Variants in ATP10A observed in about 807,000 individuals in gnomAD.
ATP10A encodes the protein ATPase phospholipid transporting 10A (putative).
In ATP10A, 111 loss-of-function variants were observed where a neutral mutation model predicts 147.8. That is an observed-to-expected ratio of 0.75 (90% CI 0.64 to 0.88). The LOEUF (loss-of-function observed/expected upper bound fraction) is 0.88, where lower values mean the gene tolerates loss of function less well. ATP10A is among the 40% of genes least tolerant of loss of function. The pLI, the probability that ATP10A is intolerant of heterozygous loss-of-function variation, is 0.00. For missense variants in ATP10A, 1,927 were observed against 1,959.0 expected, an observed-to-expected ratio of 0.98 and a Z score of 0.31; for synonymous variants, 875 against 841.6, an observed-to-expected ratio of 1.04 and a Z score of -0.69.
intron 2 of ATP10A, among the ~76,000 whole-genome samples, chr15:25,764,734 A>G (rs1888935554): frequency 6.6e-6 from 1 of 152,174 alleles, no homozygotes; most frequent in African/African-American, 2.4e-5. Context: ...CTTTCCAACA[A>G]TCTGAGCTAT....
intron 2 of ATP10A, among the ~76,000 whole-genome samples, chr15:25,756,418 C>T (rs138054958): frequency 0.089 from 13,594 of 152,140 alleles, 971 homozygotes; most frequent in Admixed American, 0.25. Context: ...CCGAGGCGAG[C>T]GGATCACCAG....
intron 2 of ATP10A, among the ~76,000 whole-genome samples, chr15:25,759,903 T>C (rs1888661592): frequency 6.6e-6 from 1 of 152,174 alleles, no homozygotes; most frequent in African/African-American, 2.4e-5. Context: ...GTGCTTTGTA[T>C]CTTTGAAATC....
In ATP10A at chr15:25,863,002, A is replaced by G; in HGVS notation, c.95T>C (p.Leu32Pro). 7.2e-7 allele frequency: 1 copy of G among 1,384,446 alleles called. No individual in the cohort carries two copies. Among genetic ancestry groups the G allele is most frequent in the South Asian group, 1.7e-5 (1 of 59,780 alleles). The allele number at this position is 1,384,446 out of a possible 1,614,324, so 85.8% of individuals were successfully genotyped here. ...AGGGTCCTCGGCGCCCGGGGGCGGC[A>G]GCAGGTTGGAGCGCACCGTGCGCGT... ...GRTRTVRSNL[L>P]PPPGAEDPAA... Residue 32 changes from leucine to proline, a missense_variant, in exon 1 of 21, where the codon CTG becomes CCG. By Grantham distance (98) the Leu-to-Pro change is moderately conservative. Coordinates refer to ENST00000555815, the MANE Select transcript of ATP10A (RefSeq NM_024490.4).
intron 10 of ATP10A, chr15:25,710,675 C>G (rs1351163379): frequency 6.6e-6 from 1 of 152,186 alleles, no homozygotes; most frequent in African/African-American, 2.4e-5. Flanking sequence ...AACGTGCAGT[C>G]CCTGCTTGTA....
intron 1 of ATP10A, among the ~76,000 whole-genome samples, chr15:25,843,331 T>C (rs868850715): frequency 1.4e-4 from 21 of 151,302 alleles, no homozygotes; most frequent in African/African-American, 4.6e-4. Context: ...GCTCCACATA[T>C]GTCAAAGTTC....
intron 1 of ATP10A, among the ~76,000 whole-genome samples, chr15:25,804,447 T>C (rs4447394): frequency 0.73 from 104,243 of 143,178 alleles, 38,008 homozygotes; most frequent in East Asian, 0.96. Flanking sequence ...TGTGTGTGTC[T>C]GTGTGCATGG....
rs1268683456 is a variant in ATP10A, at chr15:25,820,488, C to T, written c.450-39265G>A. Among the ~76,000 whole-genome samples the T allele has an allele frequency of 6.6e-5, 10 of 151,990 alleles. No homozygotes were observed. In the East Asian group the frequency reaches 1.5e-3, roughly 23 times the overall value. On this transcript the variant is annotated intron_variant, in intron 1 of 20. Coordinates refer to ENST00000555815, the MANE Select transcript of ATP10A (RefSeq NM_024490.4). ...GCAATCCCAACTAAAACTCCAAAGT[C>T]GAGGAGAGAACCTGACAATAATTCT...
In ATP10A at chr15:25,818,365, CA is replaced by C. The variant is rs556638114; in HGVS notation, c.450-37143del. ...AAAAATATATTATAAGCCAAATATA[CA>C]AAAAAAGGTTAAAGAAAGGTAGTAA... On this transcript the variant is annotated intron_variant, in intron 1 of 20. Coordinates refer to ENST00000555815, the MANE Select transcript of ATP10A (RefSeq NM_024490.4). Among the ~76,000 whole-genome samples the C allele has an allele frequency of 2.6e-5, 4 of 151,438 alleles. No individual in the cohort carries two copies. In the South Asian group the frequency reaches 6.3e-4, roughly 24 times the overall value.
chr15:25,741,424 C>T (rs1887578450), intron 2 of ATP10A, among the ~76,000 whole-genome samples: 1 of 152,154 alleles, frequency 6.6e-6, no homozygotes, highest in Admixed American at 6.5e-5. Flanking sequence ...AGTGCGGGCT[C>T]TTTTCCCCTG....
Position 25,863,101 on chromosome 15 carries a change from G to A in ATP10A, c.-5C>T. On this transcript the variant is annotated 5_prime_UTR_variant, in exon 1 of 21. Coordinates refer to ENST00000555815, the MANE Select transcript of ATP10A (RefSeq NM_024490.4). ...CCCCGCCGGCTCCCGCTCCATGGCC[G>A]CGTGTCGCCGCGCCCGGCTCCTCCG... 8.5e-7 allele frequency: 1 copy of A among 1,175,134 alleles called. No homozygotes were observed. Among genetic ancestry groups the A allele is most frequent in the Non-Finnish European group, 1.0e-6 (1 of 953,038 alleles). The allele number at this position is 1,175,134 out of a possible 1,614,324, so 72.8% of individuals were successfully genotyped here. A position where few individuals can be genotyped will look rare whatever the true frequency, so the allele number is the denominator to read the frequency against.
At chr15:25,696,619 AAT>A (rs1900355405) in intron 13 of ATP10A, among the ~76,000 whole-genome samples, 1 of 152,166 alleles carries the variant, frequency 6.6e-6, no homozygotes, top group Non-Finnish European at 1.5e-5. Flanking sequence ...AAGGACACTG[AAT>A]GGGTGGTGGG....
chr15:25,735,981 A>C (rs1293290260), intron 3 of ATP10A, 75 bp downstream of exon 3: 4 of 1,278,454 alleles, frequency 3.1e-6, no homozygotes, highest in Non-Finnish European at 4.6e-6. Context: ...ATACTTTATA[A>C]CTGAGAATGT....
intron 5 of ATP10A, 125 bp from the exon 6 acceptor site, chr15:25,724,146 G>A (rs1188228262): frequency 1.9e-6 from 2 of 1,065,578 alleles, no homozygotes; most frequent in Non-Finnish European, 2.6e-6. Flanking sequence ...TTCTTACTCA[G>A]CTTTGCCATG....
chr15:25,743,884 C>G (rs929189644), intron 2 of ATP10A, among the ~76,000 whole-genome samples: 1 of 152,148 alleles, frequency 6.6e-6, no homozygotes, highest in African/African-American at 2.4e-5. Flanking sequence ...CTGTCTCACG[C>G]TGTATCACTT....
At chr15:25,740,655 C>T (rs533250203) in intron 2 of ATP10A, among the ~76,000 whole-genome samples, 97 of 152,334 alleles carry the variant, frequency 6.4e-4, no homozygotes, top group African/African-American at 2.1e-3. Context: ...CTTGACATCA[C>T]GCCTGGACAT....
At chr15:25,673,556 G>T (rs1899082559), downstream of ATP10A, among the ~76,000 whole-genome samples, 1 of 152,200 alleles carries the variant, frequency 6.6e-6, no homozygotes, top group African/African-American at 2.4e-5. Context: ...ACAGCTGGGG[G>T]ACGACGTTGC....
intron 1 of ATP10A, among the ~76,000 whole-genome samples, chr15:25,792,347 G>A (rs1890465344): frequency 6.6e-6 from 1 of 152,194 alleles, no homozygotes; most frequent in Non-Finnish European, 1.5e-5. Context: ...CCAGCACACT[G>A]GGGAGGTCCT....
intron 1 of ATP10A, 36 bp from the exon 2 acceptor site, chr15:25,781,259 A>C: frequency 6.4e-7 from 1 of 1,562,702 alleles, no homozygotes; most frequent in South Asian, 1.2e-5. Context: ...AACTCACGAG[A>C]CATTGGTCGT....
chr15:25,862,366 G>A (rs1893799268), intron 1 of ATP10A: 3 of 632,632 alleles, frequency 4.7e-6, no homozygotes, highest in Non-Finnish European at 2.9e-6. Context: ...GCGGCCGTCG[G>A]TTTCTAGCCT....
Sources: gnomAD v4.1 joint callset for allele counts (sites outside exome capture counted in the v4.1 genomes callset) on GRCh38, gnomAD v4.1.1 for gene constraint, MANE v1.5 for transcripts, NCBI Gene and HGNC (gene_info 2026-07-23, HGNC 2026-07-21) for gene names.